Variants in SWT1 observed in about 807,000 individuals in gnomAD.
SWT1 encodes the protein transcriptional protein SWT1.
SWT1 carries 33 observed loss-of-function variants against 107.3 expected under a neutral mutation model. The ratio of observed to expected loss-of-function variants is 0.31; its 90% CI spans 0.23 to 0.41. SWT1 has a LOEUF of 0.41. Among genes scored for constraint, SWT1 ranks in the 10% least tolerant of loss-of-function variants. The probability of loss-of-function intolerance (pLI) is 1.00; values close to 1 mark genes in which losing one functional copy is unlikely to be tolerated. For missense variants in SWT1, 898 were observed against 1,028.9 expected, an observed-to-expected ratio of 0.87 and a Z score of 1.74; for synonymous variants, 345 against 348.3, an observed-to-expected ratio of 0.99 and a Z score of 0.11.
intron 2 of SWT1, among the ~76,000 whole-genome samples, chr1:185,163,457 G>A (rs1403622315): frequency 4.7e-5 from 7 of 149,518 alleles, no homozygotes; most frequent in African/African-American, 1.5e-4. Flanking sequence ...ACAGTGGTGC[G>A]ATCTTGGCCC....
intron 12 of SWT1, among the ~76,000 whole-genome samples, chr1:185,205,981 CT>C (rs889423066): frequency 6.6e-6 from 1 of 151,024 alleles, no homozygotes; most frequent in Non-Finnish European, 1.5e-5. Context: ...TTTTTCTTCT[CT>C]TTTTTTTTGA....
chr1:185,166,668 T>G lies in SWT1; in HGVS notation c.165+16T>G. 1 of 1,475,462 alleles carries G rather than the reference T, an allele frequency of 6.8e-7. No individual in the cohort carries two copies. Among genetic ancestry groups the G allele is most frequent in the Non-Finnish European group, 9.3e-7 (1 of 1,073,676 alleles). 91.4% of individuals were successfully genotyped at this position (1,475,462 alleles called of 1,614,324 possible). A position where few individuals can be genotyped will look rare whatever the true frequency, so the allele number is the denominator to read the frequency against. Reference sequence around the variant, plus strand: ...GAGAAAACTGGTGAGTGTCTAGATATAACTAACTAAAAGTTATTTATGCTA... The same window carrying G: ...GAGAAAACTGGTGAGTGTCTAGATAGAACTAACTAAAAGTTATTTATGCTA... On this transcript the variant is annotated intron_variant, in intron 3 of 18. Transcript: ENST00000367500.
intron 16 of SWT1, among the ~76,000 whole-genome samples, chr1:185,255,771 T>TC (rs1177878151): frequency 4.0e-5 from 6 of 150,674 alleles, no homozygotes; most frequent in African/African-American, 1.5e-4. Context: ...GAGCATTTAG[T>TC]CCATTTACGT....
At chr1:185,232,587 C>T (rs541215994) in intron 16 of SWT1, among the ~76,000 whole-genome samples, 4 of 152,060 alleles carry the variant, frequency 2.6e-5, no homozygotes, top group East Asian at 1.9e-4. Flanking sequence ...TATGCAGTGG[C>T]GGGAGGAAGG....
chr1:185,228,200 T>TACAC (rs775084021), intron 15 of SWT1, among the ~76,000 whole-genome samples: 2,979 of 144,892 alleles, frequency 0.021, 126 homozygotes, highest in African/African-American at 0.074. Flanking sequence ...CATATATATA[T>TACAC]ACTCAGTATG....
At chr1:185,204,916 T>A in intron 12 of SWT1, 53 bp downstream of exon 12, 1 of 1,085,112 alleles carries the variant, frequency 9.2e-7, no homozygotes, top group South Asian at 1.9e-5. Flanking sequence ...GCTGAAGATT[T>A]GTTATCTTAA....
intron 15 of SWT1, among the ~76,000 whole-genome samples, chr1:185,224,676 C>T (rs754275794): frequency 2.6e-4 from 39 of 151,998 alleles, no homozygotes; most frequent in Non-Finnish European, 3.8e-4. Context: ...GAGTTTTCAG[C>T]GTAAGATCTT....
chr1:185,169,350 A>G (rs1654852778), intron 4 of SWT1, among the ~76,000 whole-genome samples: 1 of 151,068 alleles, frequency 6.6e-6, no homozygotes, highest in Admixed American at 6.6e-5. Context: ...CTTTTGTTTA[A>G]GGACACATTT....
At chr1:185,250,998 A>T (rs1415488527) in intron 16 of SWT1, among the ~76,000 whole-genome samples, 2 of 152,142 alleles carry the variant, frequency 1.3e-5, no homozygotes, top group African/African-American at 4.8e-5. Context: ...TGGTTGATAC[A>T]CTTATATAGG....
intron 16 of SWT1, among the ~76,000 whole-genome samples, chr1:185,266,164 C>T (rs549942688): frequency 7.2e-5 from 11 of 152,196 alleles, no homozygotes; most frequent in Non-Finnish European, 1.3e-4. Flanking sequence ...GCCGGGTTCA[C>T]GCCATTCTCC....
intron 9 of SWT1, among the ~76,000 whole-genome samples, chr1:185,187,866 T>C (rs1199660137): frequency 1.3e-5 from 2 of 152,046 alleles, no homozygotes; most frequent in Non-Finnish European, 2.9e-5. Context: ...TTTTTTAAGA[T>C]ATTTTTAGTA....
At chr1:185,219,613 C>CA (rs1287084923) in intron 14 of SWT1, among the ~76,000 whole-genome samples, 1 of 151,950 alleles carries the variant, frequency 6.6e-6, no homozygotes, top group Non-Finnish European at 1.5e-5. Context: ...GAGCCAAGAC[C>CA]AAAAAACTAA....
intron 13 of SWT1, among the ~76,000 whole-genome samples, chr1:185,213,161 G>T (rs1408617870): frequency 2.0e-5 from 3 of 152,090 alleles, no homozygotes; most frequent in Non-Finnish European, 4.4e-5. Flanking sequence ...GAAATAAAAT[G>T]ATTAATTCAT....
chr1:185,195,491 T>TA (rs1657308379), intron 10 of SWT1, among the ~76,000 whole-genome samples: 1 of 152,252 alleles, frequency 6.6e-6, no homozygotes, highest in African/African-American at 2.4e-5. Context: ...TAGCATGACT[T>TA]ATAATCCTTT....
In SWT1 at chr1:185,174,800, A is replaced by G. The variant is rs771463703; in HGVS notation, c.653A>G (p.Asn218Ser). The G allele has an allele frequency of 4.3e-6, 7 of 1,612,370 alleles. No individual in the cohort carries two copies. The highest frequency in any genetic ancestry group is 2.7e-5 in the African/African-American group (2 of 74,730). The change falls in exon 5 of 19, where the codon AAC (asparagine) becomes AGC (serine). Residue 218 changes from asparagine (N) to serine (S), a missense_variant. Transcript: ENST00000367500. ...RNQFSQDYNSNKIIKEPLGSR... is the reference protein window; with the variant it reads ...RNQFSQDYNSSKIIKEPLGSR... ...CAATTTTCTCAGGATTATAACTCCA[A>G]CAAGATAATTAAGGAACCCTTGGGA...
intron 16 of SWT1, among the ~76,000 whole-genome samples, chr1:185,253,452 A>G (rs1245573282): frequency 2.6e-5 from 4 of 151,384 alleles, no homozygotes; most frequent in African/African-American, 9.7e-5. Flanking sequence ...ATCCTCTTTT[A>G]TTTCCTTGAG....
chr1:185,222,235 A>C lies in SWT1; in HGVS notation c.2309+199A>C, dbSNP rs1659711336. Among the ~76,000 whole-genome samples, 4 of 152,240 alleles carry C rather than the reference A, an allele frequency of 2.6e-5. No homozygotes were observed. The South Asian group carries it at 8.3e-4, about 32-fold the overall frequency. ...TGAAAAAAAAAAGCTTTTTTCACTT[A>C]ACATGATATTCTCCAGGTTTATCCA... is the stretch of plus-strand genomic sequence containing the variant. On this transcript the variant is annotated intron_variant, in intron 15 of 18. Coordinates refer to ENST00000367500, the MANE Select transcript of SWT1 (RefSeq NM_017673.7).
intron 10 of SWT1, among the ~76,000 whole-genome samples, chr1:185,200,013 T>G (rs542142938): frequency 7.2e-5 from 11 of 152,148 alleles, no homozygotes; most frequent in Non-Finnish European, 1.0e-4. Flanking sequence ...GTTTGTGATA[T>G]CCTTTCTTCC....
intron 10 of SWT1, among the ~76,000 whole-genome samples, chr1:185,193,551 C>G (rs1657131590): frequency 6.6e-6 from 1 of 151,806 alleles, no homozygotes; most frequent in Non-Finnish European, 1.5e-5. Flanking sequence ...ACTGCAGCCT[C>G]TGCCTCCCGG....
Sources: allele counts gnomAD v4.1 joint callset (sites outside exome capture counted in the v4.1 genomes callset), GRCh38; gene constraint gnomAD v4.1.1; transcripts MANE v1.5; gene names NCBI Gene and HGNC (gene_info 2026-07-23, HGNC 2026-07-21).